Variants in MARCHF11 observed in about 807,000 individuals in gnomAD.
MARCHF11 encodes the protein membrane associated ring-CH-type finger 11, also known as E3 ubiquitin-protein ligase MARCHF11.
MARCHF11 carries 29 observed loss-of-function variants against 37.3 expected under a neutral mutation model. The observed-to-expected ratio is 0.78, with a 90% CI of 0.58 to 1.06. The LOEUF (loss-of-function observed/expected upper bound fraction) is 1.06, where lower values mean the gene tolerates loss of function less well. Among genes scored for constraint, MARCHF11 ranks in the 50% least tolerant of loss-of-function variants. The pLI is 0.00. For synonymous variants in MARCHF11, 233 were observed against 228.0 expected (o/e 1.02, Z -0.20); for missense variants, 482 against 533.4 (o/e 0.90, Z 0.95).
At chr5:16,142,543 G>T (rs1157490290) in intron 2 of MARCHF11, among the ~76,000 whole-genome samples, 1 of 152,112 alleles carries the variant, frequency 6.6e-6, no homozygotes, top group African/African-American at 2.4e-5. Flanking sequence ...GCAAGTTCTG[G>T]ATCCAGGTTT....
At chr5:16,105,907 C>A (rs1438978615) in intron 2 of MARCHF11, among the ~76,000 whole-genome samples, 1 of 152,212 alleles carries the variant, frequency 6.6e-6, no homozygotes, top group Admixed American at 6.5e-5. Flanking sequence ...CTTGCTTAGC[C>A]CTTTTATGCA....
intron 2 of MARCHF11, among the ~76,000 whole-genome samples, chr5:16,111,262 A>G (rs1696276492): frequency 1.3e-5 from 2 of 152,220 alleles, no homozygotes; most frequent in Admixed American, 1.3e-4. Context: ...GCTCAGAAGA[A>G]GACAGGAAAA....
At chr5:16,125,879 T>G (rs1055528589) in intron 2 of MARCHF11, among the ~76,000 whole-genome samples, 1 of 152,158 alleles carries the variant, frequency 6.6e-6, no homozygotes, top group Non-Finnish European at 1.5e-5. Flanking sequence ...GCACTTGTAC[T>G]TTTATCCATA....
chr5:16,068,479 A>G (rs892505302), intron 3 of MARCHF11, among the ~76,000 whole-genome samples: 2 of 152,210 alleles, frequency 1.3e-5, no homozygotes, highest in Admixed American at 6.5e-5. Context: ...AAAACATACA[A>G]CTAGTAGCGG....
chr5:16,085,986 C>T (rs1256525727), intron 3 of MARCHF11, among the ~76,000 whole-genome samples: 1 of 131,518 alleles, frequency 7.6e-6, no homozygotes, highest in Admixed American at 7.7e-5. Flanking sequence ...AATCTTATTA[C>T]TCAACCCAGA....
chr5:16,083,220 T>G (rs1463344589), intron 3 of MARCHF11, among the ~76,000 whole-genome samples: 2 of 152,158 alleles, frequency 1.3e-5, no homozygotes, highest in African/African-American at 4.8e-5. Context: ...ATCTTCACTG[T>G]GCAAGTGGTC....
At chr5:16,106,662 C>T (rs1340681715) in intron 2 of MARCHF11, among the ~76,000 whole-genome samples, 1 of 152,178 alleles carries the variant, frequency 6.6e-6, no homozygotes, top group African/African-American at 2.4e-5. Flanking sequence ...TACCCTATCA[C>T]CAGGAGGTGT....
chr5:16,152,738 T>C (rs1383436534), intron 2 of MARCHF11, among the ~76,000 whole-genome samples: 1 of 151,998 alleles, frequency 6.6e-6, no homozygotes, highest in Non-Finnish European at 1.5e-5. Flanking sequence ...TCTTAAAATA[T>C]TAAGATATGC....
In MARCHF11 at chr5:16,067,630, A is replaced by G; in HGVS notation, c.1050T>C (p.Ala350=). The change falls in exon 4 of 4, where the codon GCT becomes GCC. Residue 350 remains alanine, a synonymous_variant. Transcript: ENST00000332432. ...TSRTLWLPLT[A]LRNRNLVHPT... The stretch of plus-strand genomic sequence containing the variant: ...GGTGGACCAAGTTTCTGTTCCGCAG[A>G]GCTGTCAATGGCAACCACAAAGTCC... 6.2e-7 allele frequency: 1 copy of G among 1,613,940 alleles called. No individual in the cohort carries two copies.
At chr5:16,140,371 C>T (rs1737682302) in intron 2 of MARCHF11, among the ~76,000 whole-genome samples, 1 of 152,004 alleles carries the variant, frequency 6.6e-6, no homozygotes, top group East Asian at 1.9e-4. Flanking sequence ...CATAAAAGCC[C>T]CTTGGCTTAA....
At chr5:16,102,327 T>C (rs1736970870) in intron 2 of MARCHF11, among the ~76,000 whole-genome samples, 1 of 152,162 alleles carries the variant, frequency 6.6e-6, no homozygotes, top group South Asian at 2.1e-4. Flanking sequence ...AGGGAAATAC[T>C]GGGTAGAAGA....
rs1307938518 is a variant in MARCHF11 at position 16,179,703 on chromosome 5, A to T, written c.-128T>A. Reference sequence around the variant, plus strand: ...GGAGGGGGCCCGGACGCCTGGGGCTAGGGGGCGGGACGGGGAGGGGATGCG... The same window carrying T: ...GGAGGGGGCCCGGACGCCTGGGGCTTGGGGGCGGGACGGGGAGGGGATGCG... On this transcript the variant is annotated 5_prime_UTR_variant, in exon 1 of 4. Coordinates refer to ENST00000332432, the MANE Select transcript of MARCHF11 (RefSeq NM_001102562.3). 109 of 72,222 alleles carry T rather than the reference A, an allele frequency of 1.5e-3. No individual in the cohort carries two copies. Among genetic ancestry groups the T allele is most frequent in the Non-Finnish European group, 2.3e-3 (91 of 39,264 alleles). The allele number at this position is 72,222 out of a possible 1,614,324, so 4.5% of individuals were successfully genotyped here. A position where few individuals can be genotyped will look rare whatever the true frequency, so the allele number is the denominator to read the frequency against.
At chr5:16,162,653 T>C (rs1181588378) in intron 2 of MARCHF11, among the ~76,000 whole-genome samples, 1 of 152,008 alleles carries the variant, frequency 6.6e-6, no homozygotes, top group East Asian at 1.9e-4. Flanking sequence ...TTGCAAGGTA[T>C]GAGCCTAATG....
intron 3 of MARCHF11, among the ~76,000 whole-genome samples, chr5:16,086,122 C>T (rs1366215648): frequency 6.6e-6 from 1 of 151,992 alleles, no homozygotes; most frequent in Non-Finnish European, 1.5e-5. Context: ...AGTTTAAATA[C>T]ATTGTTGTAC....
intron 2 of MARCHF11, among the ~76,000 whole-genome samples, chr5:16,167,166 G>A (rs1239597674): frequency 6.6e-6 from 1 of 151,796 alleles, no homozygotes; most frequent in Non-Finnish European, 1.5e-5. Flanking sequence ...ACGTGTGTGT[G>A]TGTGTGTGTG....
At chr5:16,124,046 C>T (rs1233737854) in intron 2 of MARCHF11, among the ~76,000 whole-genome samples, 1 of 151,960 alleles carries the variant, frequency 6.6e-6, no homozygotes, top group African/African-American at 2.4e-5. Context: ...GTTATCAAGC[C>T]GAAATCTTTA....
chr5:16,072,951 C>T (rs993656395), intron 3 of MARCHF11, among the ~76,000 whole-genome samples: 3 of 152,192 alleles, frequency 2.0e-5, no homozygotes, highest in African/African-American at 7.2e-5. Context: ...TAGAAACTAA[C>T]TGTATAAACT....
At chr5:16,131,794 T>G (rs1737519638) in intron 2 of MARCHF11, among the ~76,000 whole-genome samples, 1 of 152,238 alleles carries the variant, frequency 6.6e-6, no homozygotes, top group Admixed American at 6.5e-5. Context: ...GCTTAAGAAC[T>G]GGACCATATG....
In MARCHF11 at chr5:16,177,754, A is replaced by G. The variant is rs1418613457; in HGVS notation, c.665T>C (p.Ile222Thr). Residue 222 changes from isoleucine (I) to threonine (T), a missense_variant, in exon 2 of 4, where the codon ATA becomes ACA. Coordinates refer to ENST00000332432, the MANE Select transcript of MARCHF11 (RefSeq NM_001102562.3). ...CELCCYRYHV[I>T]AIKMKQPCQW... ...GCAAGGTTGTTTCATTTTAATGGCTATAACATGGTATCTATAACAGCAAAG... is the reference window on the plus strand; with the variant it reads ...GCAAGGTTGTTTCATTTTAATGGCTGTAACATGGTATCTATAACAGCAAAG... 1.9e-6 allele frequency: 3 copies of G among 1,610,868 alleles called. No homozygotes were observed. The South Asian group carries it at 3.3e-5, about 18-fold the overall frequency.
Sources: allele counts gnomAD v4.1 joint callset (sites outside exome capture counted in the v4.1 genomes callset), GRCh38; gene constraint gnomAD v4.1.1; transcripts MANE v1.5; gene names NCBI Gene and HGNC (gene_info 2026-07-23, HGNC 2026-07-21).